The following CDH18 variants were observed in gnomAD, a reference collection of about 807,000 sequenced individuals.
CDH18 encodes cadherin 18.
CDH18 carries 31 observed loss-of-function variants against 67.9 expected under a neutral mutation model. The ratio of observed to expected loss-of-function variants is 0.46; its 90% CI spans 0.34 to 0.62. CDH18 has a LOEUF of 0.62. CDH18 is among the 20% of genes least tolerant of loss of function. CDH18 has a pLI of 0.01. For missense variants in CDH18, 890 were observed against 975.5 expected (o/e 0.91, Z 1.17); for synonymous variants, 362 against 347.2 (o/e 1.04, Z -0.48).
intron 1 of CDH18, among the ~76,000 whole-genome samples, chr5:20,540,940 A>G (rs1757016917): frequency 6.6e-6 from 1 of 152,214 alleles, no homozygotes; most frequent in South Asian, 2.1e-4. Context: ...CTCCTTAGGG[A>G]AACTTGTCAA....
At chr5:19,928,305 CT>C (rs1263239983) in intron 2 of CDH18, among the ~76,000 whole-genome samples, 2 of 152,134 alleles carry the variant, frequency 1.3e-5, no homozygotes, top group Admixed American at 1.3e-4. Context: ...CTAAAAACTA[CT>C]GACATAAATG....
At chr5:20,126,980 A>G (rs1341502279) in intron 2 of CDH18, among the ~76,000 whole-genome samples, 2 of 152,180 alleles carry the variant, frequency 1.3e-5, no homozygotes, top group Non-Finnish European at 2.9e-5. Context: ...CGAAATCAGG[A>G]TCTCAAAGAT....
intron 1 of CDH18, among the ~76,000 whole-genome samples, chr5:20,543,791 T>C (rs971251439): frequency 1.3e-5 from 2 of 152,166 alleles, no homozygotes. Flanking sequence ...TCATTGCGTA[T>C]AGGTCAGTAC....
chr5:19,521,520 C>T (rs1185426170), intron 9 of CDH18, among the ~76,000 whole-genome samples: 1 of 152,120 alleles, frequency 6.6e-6, no homozygotes, highest in East Asian at 1.9e-4. Flanking sequence ...ATCTCTCTGT[C>T]TGGCTTTCTC....
rs1028069773 is a variant in CDH18, at chr5:20,403,139, CT to C, written c.-579-147635del. Among the ~76,000 whole-genome samples, 211 of 152,174 alleles carry C rather than the reference CT, an allele frequency of 1.4e-3. 2 individuals are homozygous for C. The highest frequency in any genetic ancestry group is 4.6e-3 in the African/African-American group (190 of 41,552). On this transcript the variant is annotated intron_variant, in intron 1 of 14. Transcript: ENST00000507958. The stretch of plus-strand genomic sequence containing the variant: ...CAGAGGTTGAACCCATAAGAAACAA[CT>C]CCTCACCTATTTGTTTTACTAATGT...
intron 1 of CDH18, chr5:20,304,183 G>A (rs1006830025): frequency 2.0e-6 from 3 of 1,521,802 alleles, no homozygotes; most frequent in Admixed American, 1.7e-5. Context: ...CAATAAAAAC[G>A]TTATTTTTCC....
At chr5:19,773,064 T>C (rs1426045225) in intron 3 of CDH18, among the ~76,000 whole-genome samples, 1 of 152,186 alleles carries the variant, frequency 6.6e-6, no homozygotes, top group Non-Finnish European at 1.5e-5. Flanking sequence ...TATAATTTTA[T>C]ATAGATATTA....
chr5:20,373,075 C>A (rs1743134930), intron 1 of CDH18, among the ~76,000 whole-genome samples: 1 of 152,126 alleles, frequency 6.6e-6, no homozygotes, highest in Non-Finnish European at 1.5e-5. Context: ...ATCTATTTTT[C>A]TTCCTGCATC....
intron 2 of CDH18, chr5:20,255,310 T>C (rs1744150142): frequency 6.6e-6 from 1 of 152,216 alleles, no homozygotes; most frequent in African/African-American, 2.4e-5. Context: ...TTCAGTGTAA[T>C]TCTAGATGAT....
At chr5:19,619,074 G>A (rs1750296117) in intron 5 of CDH18, among the ~76,000 whole-genome samples, 2 of 151,888 alleles carry the variant, frequency 1.3e-5, no homozygotes, top group South Asian at 2.1e-4. Flanking sequence ...TTTCCCAAAC[G>A]ATTTTATGAA....
chr5:19,578,767 GT>G (rs1408496123), intron 7 of CDH18, among the ~76,000 whole-genome samples: 1 of 151,184 alleles, frequency 6.6e-6, no homozygotes, highest in Non-Finnish European at 1.5e-5. Context: ...TCTCATTATA[GT>G]TTTTTTCCTA....
At chr5:19,584,807 A>AG (rs1554052872) in intron 7 of CDH18, among the ~76,000 whole-genome samples, 1 of 148,462 alleles carries the variant, frequency 6.7e-6, no homozygotes, top group East Asian at 2.0e-4. Context: ...AAAAAAAAAA[A>AG]AAAAAGAAAA....
At chr5:20,115,770 T>C (rs1429942316) in intron 2 of CDH18, among the ~76,000 whole-genome samples, 1 of 152,160 alleles carries the variant, frequency 6.6e-6, no homozygotes, top group Admixed American at 6.5e-5. Flanking sequence ...CAGCCTCCAT[T>C]TGATACCTGT....
At chr5:19,643,202 T>A (rs1580665532) in intron 5 of CDH18, among the ~76,000 whole-genome samples, 1 of 152,190 alleles carries the variant, frequency 6.6e-6, no homozygotes. Flanking sequence ...GGCGAGGTGA[T>A]GGAGAAAGTG....
intron 1 of CDH18, among the ~76,000 whole-genome samples, chr5:20,366,287 C>A (rs1742511679): frequency 6.6e-6 from 1 of 152,108 alleles, no homozygotes; most frequent in Non-Finnish European, 1.5e-5. Flanking sequence ...TGCTTACTCA[C>A]CACCACCACC....
chr5:19,544,665 A>T (rs566045440), intron 8 of CDH18, among the ~76,000 whole-genome samples: 4 of 152,246 alleles, frequency 2.6e-5, no homozygotes, highest in African/African-American at 9.6e-5. Context: ...TAATCAAATG[A>T]GCTGAAAGTG....
chr5:19,972,187 CTTTG>C (rs1798093176), intron 2 of CDH18, among the ~76,000 whole-genome samples: 1 of 151,902 alleles, frequency 6.6e-6, no homozygotes, highest in Non-Finnish European at 1.5e-5. Context: ...TTAGCACAGC[CTTTG>C]TTTTTCTCAT....
intron 1 of CDH18, among the ~76,000 whole-genome samples, chr5:20,323,114 T>G (rs1738196730): frequency 6.6e-6 from 1 of 152,106 alleles, no homozygotes; most frequent in African/African-American, 2.4e-5. Context: ...ATGAAAAGAA[T>G]CAAGCACTTG....
intron 2 of CDH18, among the ~76,000 whole-genome samples, chr5:20,186,379 C>T (rs1026134666): frequency 1.8e-4 from 28 of 151,790 alleles, no homozygotes; most frequent in African/African-American, 6.5e-4. Context: ...TTTGCAAATC[C>T]CATATCTGGC....
Sources: allele counts gnomAD v4.1 joint callset (sites outside exome capture counted in the v4.1 genomes callset), GRCh38; gene constraint gnomAD v4.1.1; transcripts MANE v1.5; gene names NCBI Gene and HGNC (gene_info 2026-07-23, HGNC 2026-07-21).